PAM: variants seen among roughly 807,000 people sequenced by gnomAD.
PAM encodes the protein peptidyl-glycine alpha-amidating monooxygenase.
A neutral mutation model predicts 122.1 loss-of-function variants in PAM; 72 were observed. That is an observed-to-expected ratio of 0.59 (90% CI 0.49 to 0.72). The LOEUF is 0.72. PAM is among the 30% of genes least tolerant of loss of function. PAM has a pLI of 0.00. For missense variants in PAM, 1,106 were observed against 1,183.7 expected (o/e 0.93, Z 0.96); for synonymous variants, 389 against 404.4 (o/e 0.96, Z 0.46).
intron 12 of PAM, among the ~76,000 whole-genome samples, chr5:102,955,120 T>G (rs1760293407): frequency 6.6e-6 from 1 of 152,096 alleles, no homozygotes; most frequent in Non-Finnish European, 1.5e-5. Context: ...AGCCTAACAT[T>G]TGTTGAATAT....
chr5:102,855,861 C>G (rs965504026), intron 1 of PAM, among the ~76,000 whole-genome samples: 1 of 152,068 alleles, frequency 6.6e-6, no homozygotes, highest in Non-Finnish European at 1.5e-5. Context: ...TACCCTCCCT[C>G]CATTCTATAC....
chr5:102,825,935 G>A (rs1773481249), intron 1 of PAM, among the ~76,000 whole-genome samples: 1 of 152,158 alleles, frequency 6.6e-6, no homozygotes, highest in African/African-American at 2.4e-5. Flanking sequence ...GACTTGTGCT[G>A]TGTAAAACCT....
At chr5:102,991,040 A>T (rs1773919895) in intron 16 of PAM, among the ~76,000 whole-genome samples, 1 of 152,178 alleles carries the variant, frequency 6.6e-6, no homozygotes, top group South Asian at 2.1e-4. Context: ...CTACCTCCTT[A>T]GAGGGATTTT....
At chr5:102,928,421 G>A (rs1004614997) in intron 7 of PAM, among the ~76,000 whole-genome samples, 9 of 152,080 alleles carry the variant, frequency 5.9e-5, no homozygotes, top group Admixed American at 5.2e-4. Context: ...GTAAGAGACA[G>A]ATAAGAAATT....
At position 102,990,447 on chromosome 5, in the gene PAM, T is replaced by C. The variant is rs183352020; in HGVS notation, c.1613+46T>C. 156 of 1,427,818 alleles carry C rather than the reference T, an allele frequency of 1.1e-4. No individual in the cohort carries two copies. The African/African-American group carries it at 1.8e-3, about 17-fold the overall frequency. 88.4% of individuals were successfully genotyped at this position (1,427,818 alleles called of 1,614,324 possible). Reference sequence around the variant, plus strand: ...AATAAGCAAATGAAAATAAAAATAGTGTACATAATTTTTTCACTAAACTAA... The same window carrying C: ...AATAAGCAAATGAAAATAAAAATAGCGTACATAATTTTTTCACTAAACTAA... On this transcript the variant is annotated intron_variant, in intron 16 of 25. Coordinates refer to ENST00000438793, the MANE Select transcript of PAM (RefSeq NM_001177306.2).
At chr5:102,999,761 C>A (rs1776818088) in intron 16 of PAM, among the ~76,000 whole-genome samples, 1 of 152,182 alleles carries the variant, frequency 6.6e-6, no homozygotes, top group Non-Finnish European at 1.5e-5. Context: ...CCAAGCTATA[C>A]CTTGGCCTCT....
intron 5 of PAM, among the ~76,000 whole-genome samples, chr5:102,922,635 A>G (rs1019132652): frequency 6.6e-6 from 1 of 152,222 alleles, no homozygotes; most frequent in Non-Finnish European, 1.5e-5. Context: ...TTTCTCTGTT[A>G]TATTTCAATC....
chr5:102,825,527 G>C (rs1198161673), intron 1 of PAM, among the ~76,000 whole-genome samples: 1 of 152,132 alleles, frequency 6.6e-6, no homozygotes, highest in African/African-American at 2.4e-5. Flanking sequence ...ATTTAATATA[G>C]AGTCATGAGA....
chr5:102,859,453 G>T (rs1204929258), intron 1 of PAM, among the ~76,000 whole-genome samples: 2 of 151,342 alleles, frequency 1.3e-5, no homozygotes, highest in Admixed American at 6.6e-5. Flanking sequence ...TATACAGAAA[G>T]AAAATATTTT....
At position 102,974,190 on chromosome 5, in the gene PAM, A is replaced by G. The variant is rs772021374; in HGVS notation, c.1237A>G (p.Thr413Ala). 1.2e-6 allele frequency: 2 copies of G among 1,613,762 alleles called. No homozygotes were observed. The highest frequency in any genetic ancestry group is 1.7e-6 in the Non-Finnish European group (2 of 1,179,732). The change falls in exon 15 of 26, where the codon ACA becomes GCA. Residue 413 changes from threonine (T) to alanine (A), a missense_variant. Coordinates refer to ENST00000438793, the MANE Select transcript of PAM (RefSeq NM_001177306.2). ...TGTTCATGTGCACAAATATAATCCT[A>G]CAGAAAAGGCAGAATCAGAGTCAGA... Reference protein sequence around the residue: ...DVVHVHKYNPTEKAESESDLV... With the variant: ...DVVHVHKYNPAEKAESESDLV...
At chr5:102,874,347 A>G (rs1206264867) in intron 3 of PAM, among the ~76,000 whole-genome samples, 1 of 152,224 alleles carries the variant, frequency 6.6e-6, no homozygotes, top group East Asian at 1.9e-4. Flanking sequence ...GTAAACGACA[A>G]ATTAAAGTCA....
intron 3 of PAM, among the ~76,000 whole-genome samples, chr5:102,886,806 T>C (rs1313868183): frequency 6.6e-6 from 1 of 152,084 alleles, no homozygotes; most frequent in African/African-American, 2.4e-5. Flanking sequence ...AGAAGCCAGC[T>C]TCTGTCTGTC....
At chr5:102,903,419 A>G (rs1372478678) in intron 4 of PAM, among the ~76,000 whole-genome samples, 6 of 151,598 alleles carry the variant, frequency 4.0e-5, no homozygotes, top group Non-Finnish European at 7.4e-5. Context: ...TAAAAGAATA[A>G]GTAAAGGAAA....
At chr5:103,017,454 T>C (rs1415007770) in intron 22 of PAM, 21 bp downstream of exon 22, 5 of 1,403,470 alleles carry the variant, frequency 3.6e-6, no homozygotes, top group Admixed American at 1.7e-5. Flanking sequence ...CACAGTATTA[T>C]TGTTCACATT....
chr5:102,814,947 A>C (rs1026763857), intron 1 of PAM, among the ~76,000 whole-genome samples: 3 of 151,944 alleles, frequency 2.0e-5, no homozygotes, highest in Non-Finnish European at 4.4e-5. Context: ...TGCAGCACAC[A>C]TGCACACACA....
At chr5:102,939,839 T>C (rs1338779693) in intron 7 of PAM, among the ~76,000 whole-genome samples, 2 of 152,146 alleles carry the variant, frequency 1.3e-5, no homozygotes, top group Non-Finnish European at 2.9e-5. Context: ...CAGAATAGTA[T>C]TGTAAATAGA....
intron 1 of PAM, among the ~76,000 whole-genome samples, chr5:102,815,085 A>G (rs1043106521): frequency 3.3e-5 from 5 of 151,894 alleles, no homozygotes; most frequent in Non-Finnish European, 7.4e-5. Context: ...ACTCCTATTT[A>G]TTGCACCCCC....
chr5:102,952,451 T>C (rs1759258674), intron 12 of PAM, among the ~76,000 whole-genome samples: 1 of 151,968 alleles, frequency 6.6e-6, no homozygotes, highest in South Asian at 2.1e-4. Context: ...TTCACAAATC[T>C]CATGTGGGCT....
intron 1 of PAM, among the ~76,000 whole-genome samples, chr5:102,766,926 A>AT: frequency 0.015 from 398 of 25,814 alleles, 141 homozygotes; most frequent in African/African-American, 0.024. Context: ...TCAGTTGTGG[A>AT]TTTTTTTTTT....
Sources: gnomAD v4.1 joint callset for allele counts (sites outside exome capture counted in the v4.1 genomes callset) on GRCh38, gnomAD v4.1.1 for gene constraint, MANE v1.5 for transcripts, NCBI Gene and HGNC (gene_info 2026-07-23, HGNC 2026-07-21) for gene names.